The following TSC2 variants were observed in gnomAD, a reference collection of about 807,000 sequenced individuals.
TSC2 encodes TSC complex subunit 2, also known as tuberin.
A neutral mutation model predicts 202.2 loss-of-function variants in TSC2; 29 were observed. That is an observed-to-expected ratio of 0.14 (90% confidence interval 0.11 to 0.20). TSC2 has a LOEUF of 0.20. TSC2 is among the 10% of genes least tolerant of loss of function. The probability of loss-of-function intolerance (pLI) is 1.00; values close to 1 mark genes in which losing one functional copy is unlikely to be tolerated. For missense variants in TSC2, 2,429 were observed against 2,420.0 expected (o/e 1.00, Z -0.08); for synonymous variants, 1,349 against 1,044.0 (o/e 1.29, Z -5.63).
rs1157138703 is a variant in TSC2, at chr16:2,072,926, G to C, written c.2298G>C (p.Val766=). 5 of 1,613,534 alleles carry C rather than the reference G, an allele frequency of 3.1e-6. No individual in the cohort carries two copies. In the Middle Eastern group the frequency reaches 6.6e-4, roughly 212 times the overall value. ...CCAGAACTGACTTGCACCTGGCCGT[G>C]GTTCCAGTGCTGACAGCATTAATCT... ...GFSRTDLHLA[V]VPVLTALISY... The change falls in exon 21 of 42, where the codon GTG becomes GTC. Residue 766 remains valine (V), a synonymous_variant. Transcript: ENST00000219476.
At chr16:2,088,378 GGCGGGTGTGTGGGCAGA>G in intron 41 of TSC2, 51 bp from the exon 42 acceptor site, 1 of 1,612,428 alleles carries the variant, frequency 6.2e-7, no homozygotes, top group Non-Finnish European at 8.5e-7. Flanking sequence ...CAAGCTGTGG[GGCGGGTGTGTGGGCAGA>G]GCGGTTGCCA....
chr16:2,076,632 G>T, intron 25 of TSC2, 47 bp downstream of exon 25: 1 of 1,598,374 alleles, frequency 6.3e-7, no homozygotes, highest in South Asian at 1.1e-5. Context: ...GGTGGGGAAG[G>T]ACATGGGGCT....
In TSC2 at chr16:2,084,303, C is replaced by T. The variant is rs560831385; in HGVS notation, c.4081C>T (p.Arg1361Ter). 6.2e-7 allele frequency: 1 copy of T among 1,612,716 alleles called. No homozygotes were observed. The highest frequency in any genetic ancestry group is 8.5e-7 in the Non-Finnish European group (1 of 1,179,930). ...GGTTGGCAGGGGCATCCCCATCGAG[C>T]GAGTCGTCTCCTCGGAGGGTGGCCG... ...ELVGRGIPIE[R>*]VVSSEGGRPS... The change falls in exon 34 of 42, where the codon CGA becomes TGA. Residue 1361 changes from arginine to a stop codon, truncating the protein, a stop_gained. Coordinates refer to ENST00000219476, the MANE Select transcript of TSC2 (RefSeq NM_000548.5). LOFTEE classifies it high-confidence loss of function.
chr16:2,055,668 G>T, intron 6 of TSC2, 149 bp downstream of exon 6: 1 of 755,464 alleles, frequency 1.3e-6, no homozygotes, highest in Non-Finnish European at 2.3e-6. Flanking sequence ...CGAGGCAGGC[G>T]GATCACGAGG....
intron 25 of TSC2, chr16:2,077,396 G>A (rs746566638): frequency 1.4e-5 from 10 of 691,208 alleles, no homozygotes; most frequent in Non-Finnish European, 2.5e-5. Flanking sequence ...TTTACCAGAC[G>A]TATTATCATG....
At chr16:2,082,896 C>T (rs2090312680) in intron 32 of TSC2, 3 of 388,298 alleles carry the variant, frequency 7.7e-6, no homozygotes, top group South Asian at 4.1e-5. Flanking sequence ...GCTCCCCTGG[C>T]CTCTGGAACC....
At chr16:2,080,566 C>T (rs1341118353) in intron 30 of TSC2, 189 bp downstream of exon 30, 1 of 668,866 alleles carries the variant, frequency 1.5e-6, no homozygotes, top group Admixed American at 2.9e-5. Context: ...TCACTGCAAG[C>T]TCCACCTCCC....
intron 23 of TSC2, 29 bp from the exon 24 acceptor site, chr16:2,076,039 A>G (rs756058790): frequency 6.2e-7 from 1 of 1,613,804 alleles, no homozygotes. Context: ...TGCTGCCAGG[A>G]TGGAGTGCCA....
rs375447786 is a variant in TSC2 at position 2,073,007 on chromosome 16, C to T, written c.2355+24C>T. The T allele has an allele frequency of 1.7e-4, 279 of 1,613,046 alleles. No homozygotes were observed. In the African/African-American group the frequency reaches 2.7e-3, roughly 15 times the overall value. On this transcript the variant is annotated intron_variant, in intron 21 of 41. Coordinates refer to ENST00000219476, the MANE Select transcript of TSC2 (RefSeq NM_000548.5). ...AGGTAGGAGGTCAGAGCAGGACAGG[C>T]GAGCTTGATGGGGCCTGGGATTCGA...
intron 5 of TSC2, chr16:2,054,661 CTG>C (rs1205944914): frequency 1.6e-6 from 1 of 633,944 alleles, no homozygotes; most frequent in Non-Finnish European, 2.8e-6. Context: ...GACCTGCTGA[CTG>C]TGAGTCTCTG....
At chr16:2,055,707 A>G (rs1480683557) in intron 6 of TSC2, 188 bp downstream of exon 6, 4 of 598,726 alleles carry the variant, frequency 6.7e-6, no homozygotes, top group Non-Finnish European at 9.2e-6. Flanking sequence ...CCTGGCCAAC[A>G]TGGTGAAACC....
chr16:2,055,899 A>AG lies in TSC2; in HGVS notation c.600-297_600-296insG, dbSNP rs1256590257. On this transcript the variant is annotated intron_variant, in intron 6 of 41. Coordinates refer to ENST00000219476, the MANE Select transcript of TSC2 (RefSeq NM_000548.5). ...GAGCAAAACTCCATCTCAAAAAAAA[A>AG]AAAAAAAAAAGAGAAGTACGTAGCT... 63 of 511,938 alleles carry AG rather than the reference A, an allele frequency of 1.2e-4. No homozygotes were observed. The Admixed American group carries it at 1.9e-3, about 16-fold the overall frequency. The allele number at this position is 511,938 out of a possible 1,614,324, so 31.7% of individuals were successfully genotyped here.
chr16:2,070,887 A>G (rs1347868842), intron 17 of TSC2, among the ~76,000 whole-genome samples: 1 of 152,206 alleles, frequency 6.6e-6, no homozygotes, highest in Non-Finnish European at 1.5e-5. Flanking sequence ...GAATCTGTGA[A>G]GGACCTGCAG....
intron 20 of TSC2, 123 bp downstream of exon 20, chr16:2,072,486 G>C: frequency 1.4e-6 from 2 of 1,461,824 alleles, no homozygotes; most frequent in Non-Finnish European, 1.9e-6. Flanking sequence ...CTCAAACTCA[G>C]CTGCACTCTG....
intron 16 of TSC2, chr16:2,066,369 T>G (rs770795965): frequency 1.3e-5 from 2 of 152,506 alleles, no homozygotes; most frequent in Non-Finnish European, 2.9e-5. Flanking sequence ...CTGAGTAGTA[T>G]TCCATCATCT....
At position 2,067,131 on chromosome 16, in the gene TSC2, A is replaced by G. The variant is rs542418691; in HGVS notation, c.1716+1496A>G. On this transcript the variant is annotated intron_variant, in intron 16 of 41. Coordinates refer to ENST00000219476, the MANE Select transcript of TSC2 (RefSeq NM_000548.5). Reference sequence around the variant, plus strand: ...ATGTCATGGGTTTTTATTTCTTGCCATGGAAGTTGAAAGTGGTGATGATTT... The same window carrying G: ...ATGTCATGGGTTTTTATTTCTTGCCGTGGAAGTTGAAAGTGGTGATGATTT... Among the ~76,000 whole-genome samples the G allele has an allele frequency of 3.3e-5, 5 of 151,936 alleles. No individual in the cohort carries two copies. The East Asian group carries it at 5.9e-4, about 18-fold the overall frequency.
chr16:2,066,743 C>T (rs1309537408), intron 16 of TSC2, among the ~76,000 whole-genome samples: 1 of 148,172 alleles, frequency 6.7e-6, no homozygotes, highest in Admixed American at 6.9e-5. Flanking sequence ...TCACTGCAAC[C>T]TTCGCCTCTT....
rs397514987 is a variant in TSC2, at chr16:2,062,112, T to TG, written c.1257+107dup. ...TGAGCCTCAGAAGCCAAGGGCCAGG[T>TG]GGGCGCCTGCTTTCCAGGTTTCTGC... On this transcript the variant is annotated intron_variant, in intron 12 of 41. Transcript: ENST00000219476. 3.8e-3 allele frequency: 5,829 copies of TG among 1,529,768 alleles called. 21 individuals are homozygous for TG. The highest frequency in any genetic ancestry group is 4.1e-3 in the Non-Finnish European group (4,575 of 1,121,326). 94.8% of individuals were successfully genotyped at this position (1,529,768 alleles called of 1,614,324 possible).
intron 37 of TSC2, 115 bp from the exon 38 acceptor site, chr16:2,086,617 A>T: frequency 6.6e-7 from 1 of 1,515,250 alleles, no homozygotes; most frequent in Non-Finnish European, 8.9e-7. Context: ...GCACCAGAGG[A>T]CGTGGTCCCC....
Sources: allele counts gnomAD v4.1 joint callset (sites outside exome capture counted in the v4.1 genomes callset), GRCh38; gene constraint gnomAD v4.1.1; transcripts MANE v1.5; gene names NCBI Gene and HGNC (gene_info 2026-07-23, HGNC 2026-07-21).